Variants in FANCD2OS observed in about 807,000 individuals in gnomAD.
FANCD2OS encodes the protein FANCD2 opposite strand protein.
Under a neutral mutation model 13.2 loss-of-function variants are expected in FANCD2OS, and 11 were observed. The observed-to-expected ratio is 0.83, with a 90% CI of 0.52 to 1.38. FANCD2OS has a LOEUF of 1.38. Ranked by LOEUF, FANCD2OS falls within the 40% of genes most tolerant of loss-of-function variation. The pLI, the probability that FANCD2OS is intolerant of heterozygous loss-of-function variation, is 0.00. For missense variants in FANCD2OS, 217 were observed against 213.9 expected (o/e 1.01, Z -0.09); for synonymous variants, 69 against 84.5 (o/e 0.82, Z 1.01).
chr3:10,092,245 T>C, intron 2 of FANCD2OS: 1 of 1,611,346 alleles, frequency 6.2e-7, no homozygotes, highest in Non-Finnish European at 8.5e-7. Context: ...CTCATCAACT[T>C]GATAAAGGTG....
chr3:10,105,772 T>TATATA lies in FANCD2OS; in HGVS notation c.-8-991_-8-990insTATAT, dbSNP rs869146028. On this transcript the variant is annotated intron_variant, in intron 1 of 1. Coordinates refer to ENST00000450660, the MANE Select transcript of FANCD2OS (RefSeq NM_001164839.2). ...TCTAAAAAAAAAAAAAAAAAAAAAA[T>TATATA]TATATATATATATATATATATATAT... Among the ~76,000 whole-genome samples the TATATA allele has an allele frequency of 1.3e-3, 30 of 22,592 alleles. 1 individual carries two copies. Among genetic ancestry groups the TATATA allele is most frequent in the African/African-American group, 3.3e-3 (18 of 5,460 alleles). The allele number at this position is 22,592 out of a possible 152,430, so 14.8% of individuals were successfully genotyped here.
downstream of FANCD2OS, among the ~76,000 whole-genome samples, chr3:10,100,654 G>A (rs1055872483): frequency 6.6e-6 from 1 of 152,166 alleles, no homozygotes; most frequent in Non-Finnish European, 1.5e-5. Flanking sequence ...TTACTTTGGC[G>A]TGAGCCACCG....
At chr3:10,099,496 A>C, downstream of FANCD2OS, 1 of 263,886 alleles carries the variant, frequency 3.8e-6, no homozygotes, top group Non-Finnish European at 6.4e-6. Flanking sequence ...GCGGTGGCTC[A>C]CACCTGTAAT....
chr3:10,088,192 A>G (rs1694348854), intron 2 of FANCD2OS, among the ~76,000 whole-genome samples: 1 of 151,930 alleles, frequency 6.6e-6, no homozygotes, highest in South Asian at 2.1e-4. Flanking sequence ...ATTTATGTTC[A>G]TGTTTGCATG....
chr3:10,105,151 C>A (rs1695435557), intron 1 of FANCD2OS, among the ~76,000 whole-genome samples: 2 of 152,078 alleles, frequency 1.3e-5, no homozygotes, highest in Non-Finnish European at 1.5e-5. Context: ...TTCGCCCAGC[C>A]TAGATATTAG....
At chr3:10,101,218 G>A (rs1458235612), downstream of FANCD2OS, 2 of 1,613,530 alleles carry the variant, frequency 1.2e-6, no homozygotes, top group South Asian at 2.2e-5. Context: ...AAGTGCTGGA[G>A]AAAAGGAGCA....
chr3:10,094,231 CAG>C, intron 2 of FANCD2OS: 1 of 1,309,430 alleles, frequency 7.6e-7, no homozygotes, highest in Non-Finnish European at 1.1e-6. Context: ...TATTCTGCCT[CAG>C]GGGCCTTTCA....
chr3:10,085,774 A>G (rs756129956), intron 2 of FANCD2OS: 1 of 1,362,946 alleles, frequency 7.3e-7, no homozygotes, highest in South Asian at 1.2e-5. Flanking sequence ...GTAGTTTTCC[A>G]GAAACTAAGC....
chr3:10,104,575 C>G lies in FANCD2OS; in HGVS notation c.200G>C (p.Gly67Ala). Reference protein sequence around the residue: ...LVLDSPFLESGVSPKLPCHTS... With the variant: ...LVLDSPFLESAVSPKLPCHTS... ...GTGGCAGGGTAACTTGGGACTCACT[C>G]CAGATTCCAGGAATGGGCTGTCTAG... The change falls in exon 2 of 2, where the codon GGA (glycine) becomes GCA (alanine). Residue 67 changes from glycine to alanine, a missense_variant. Transcript: ENST00000450660. 1 of 1,614,184 alleles carries G rather than the reference C, an allele frequency of 6.2e-7. No homozygotes were observed. Among genetic ancestry groups the G allele is most frequent in the East Asian group, 2.2e-5 (1 of 44,882 alleles).
intron 2 of FANCD2OS, chr3:10,085,698 C>T: frequency 3.8e-6 from 3 of 799,460 alleles, no homozygotes; most frequent in South Asian, 1.3e-5. Context: ...CCTCTCAATT[C>T]TTTTTTCAAA....
chr3:10,095,868 C>G (rs1694922335), intron 2 of FANCD2OS, among the ~76,000 whole-genome samples: 1 of 150,540 alleles, frequency 6.6e-6, no homozygotes, highest in South Asian at 2.1e-4. Flanking sequence ...TTATAAGGTC[C>G]TGAACAGTGA....
At chr3:10,103,097 A>G (rs1318619191), downstream of FANCD2OS, 1 of 336,576 alleles carries the variant, frequency 3.0e-6, no homozygotes, top group African/African-American at 4.5e-5. Context: ...TCTCTACTAA[A>G]AAAAAAAAAA....
At chr3:10,094,332 C>T (rs745444413) in intron 2 of FANCD2OS, 13 of 1,613,792 alleles carry the variant, frequency 8.1e-6, no homozygotes, top group South Asian at 4.4e-5. Flanking sequence ...CAATGTATGC[C>T]GCTCCTAGAC....
intron 2 of FANCD2OS, among the ~76,000 whole-genome samples, chr3:10,089,159 C>CCTGT (rs1694424438): frequency 6.6e-6 from 1 of 152,042 alleles, no homozygotes; most frequent in African/African-American, 2.4e-5. Context: ...GTGGCACATG[C>CCTGT]CTGTAATCCC....
chr3:10,088,378 T>C (rs937692272), intron 2 of FANCD2OS: 1 of 957,338 alleles, frequency 1.0e-6, no homozygotes, highest in Non-Finnish European at 1.7e-6. Flanking sequence ...ATAATCATCC[T>C]CAAAAACCTG....
chr3:10,091,134 G>A (rs1003619264), intron 2 of FANCD2OS, among the ~76,000 whole-genome samples: 5 of 150,018 alleles, frequency 3.3e-5, no homozygotes, highest in African/African-American at 1.2e-4. Context: ...AGGTTGGAGT[G>A]TAGTGGTGCA....
At chr3:10,105,761 AAAAAAAAAAATTATAT>A (rs1228670025) in intron 1 of FANCD2OS, among the ~76,000 whole-genome samples, 6 of 68,862 alleles carry the variant, frequency 8.7e-5, no homozygotes, top group African/African-American at 8.4e-4. Flanking sequence ...AAAAAAAAAA[AAAAAAAAAAATTATAT>A]ATATATATAT....
intron 1 of FANCD2OS, among the ~76,000 whole-genome samples, chr3:10,107,473 A>C (rs1421730848): frequency 1.3e-5 from 2 of 151,708 alleles, no homozygotes; most frequent in Non-Finnish European, 2.9e-5. Flanking sequence ...TTTTCAGTAG[A>C]GACAGGGTTT....
rs1482801348 is a variant in FANCD2OS, at chr3:10,093,330, G to T, written c.*43+10868C>A. 5.0e-6 allele frequency: 8 copies of T among 1,606,420 alleles called. No individual in the cohort carries two copies. Among genetic ancestry groups the T allele is most frequent in the Non-Finnish European group, 6.8e-6 (8 of 1,173,106 alleles). On this transcript the variant is annotated intron_variant, in intron 2 of 2. Transcript: ENST00000524279. ...TCTGCATGTATGTTTGAAGGTGAGA[G>T]ATTTACTGGGCCCTGTTTCATATTT... is the stretch of plus-strand genomic sequence containing the variant.
Sources: allele counts gnomAD v4.1 joint callset (sites outside exome capture counted in the v4.1 genomes callset), GRCh38; gene constraint gnomAD v4.1.1; transcripts MANE v1.5; gene names NCBI Gene and HGNC (gene_info 2026-07-23, HGNC 2026-07-21).